PTPRT: variants seen among roughly 807,000 people sequenced by gnomAD.
PTPRT encodes the protein protein tyrosine phosphatase receptor type T.
In PTPRT, 56 loss-of-function variants were observed where a neutral mutation model predicts 176.8. The observed-to-expected ratio is 0.32, with a 90% CI of 0.26 to 0.40. The LOEUF (loss-of-function observed/expected upper bound fraction) is 0.40, where lower values mean the gene tolerates loss of function less well. Ranked by LOEUF, PTPRT falls within the 10% of genes least tolerant of loss-of-function variation. The pLI is 1.00. For synonymous variants in PTPRT, 783 were observed against 739.0 expected (o/e 1.06, Z -0.96); for missense variants, 1,540 against 1,908.2 (o/e 0.81, Z 3.60).
intron 7 of PTPRT, among the ~76,000 whole-genome samples, chr20:42,545,186 G>T (rs763101551): frequency 1.3e-5 from 2 of 152,176 alleles, no homozygotes; most frequent in Non-Finnish European, 1.5e-5. Context: ...ATCCACCTGT[G>T]CTGGCAAAGT....
chr20:42,485,199 G>GA (rs1305252141), intron 7 of PTPRT, among the ~76,000 whole-genome samples: 1 of 152,132 alleles, frequency 6.6e-6, no homozygotes, highest in African/African-American at 2.4e-5. Context: ...CCAGAGAAAG[G>GA]AAAAAAGATT....
At chr20:43,048,498 C>T (rs920665434) in intron 1 of PTPRT, among the ~76,000 whole-genome samples, 3 of 151,866 alleles carry the variant, frequency 2.0e-5, no homozygotes, top group African/African-American at 7.3e-5. Flanking sequence ...GTTCAGGGGG[C>T]CCACCTAGAA....
chr20:42,369,909 A>T (rs1292743089), intron 9 of PTPRT, among the ~76,000 whole-genome samples: 1 of 152,242 alleles, frequency 6.6e-6, no homozygotes, highest in Non-Finnish European at 1.5e-5. Flanking sequence ...TGATGAGAAC[A>T]TCTCACCTAA....
intron 7 of PTPRT, among the ~76,000 whole-genome samples, chr20:42,616,456 T>C (rs1448696298): frequency 7.9e-6 from 1 of 126,140 alleles, no homozygotes; most frequent in Non-Finnish European, 1.7e-5. Context: ...TTAAAGTAGT[T>C]TTTTCCAATT....
chr20:43,083,335 T>TACAC lies in PTPRT; in HGVS notation c.88+106310_88+106311insGTGT, dbSNP rs1568773946. 3.3e-4 allele frequency among the ~76,000 whole-genome samples: 35 copies of TACAC among 106,808 alleles called. 2 individuals carry two copies. The highest frequency in any genetic ancestry group is 9.4e-4 in the South Asian group (3 of 3,200). 70.1% of individuals were successfully genotyped at this position (106,808 alleles called of 152,430 possible). On this transcript the variant is annotated intron_variant, in intron 1 of 30. Transcript: ENST00000373187. Reference sequence around the variant, plus strand: ...CACTTCAAATGTATATATATATATATATATATATATATATATATATATATA... The same window carrying TACAC: ...CACTTCAAATGTATATATATATATATACACATATATATATATATATATATATATA...
intron 12 of PTPRT, among the ~76,000 whole-genome samples, chr20:42,293,488 T>C (rs975458757): frequency 3.9e-5 from 6 of 152,210 alleles, no homozygotes; most frequent in Non-Finnish European, 8.8e-5. Flanking sequence ...GTATTTATCC[T>C]TTACTTGACT....
chr20:43,179,875 A>C (rs999088988), intron 1 of PTPRT, among the ~76,000 whole-genome samples: 1 of 152,028 alleles, frequency 6.6e-6, no homozygotes, highest in Non-Finnish European at 1.5e-5. Flanking sequence ...GTTCCCAATG[A>C]CCCCCACTTC....
At chr20:42,114,751 AC>A (rs1987185152) in intron 22 of PTPRT, among the ~76,000 whole-genome samples, 1 of 152,162 alleles carries the variant, frequency 6.6e-6, no homozygotes, top group Non-Finnish European at 1.5e-5. Context: ...CCCGGTTGAG[AC>A]CACATGCCTT....
rs567316085 is a variant in PTPRT at position 43,128,680 on chromosome 20, A to G, written c.88+60966T>C. On this transcript the variant is annotated intron_variant, in intron 1 of 30. Transcript: ENST00000373187. ...ATTACCACTGCTCCTGGCCGAATGG[A>G]CTTGGGCTTTAGGACTACAGAGGTG... 4.0e-4 allele frequency among the ~76,000 whole-genome samples: 61 copies of G among 152,300 alleles called. 1 individual carries two copies. Among genetic ancestry groups the G allele is most frequent in the Admixed American group, 3.5e-3 (53 of 15,306 alleles).
At chr20:42,690,707 C>CA (rs2075779684) in intron 6 of PTPRT, among the ~76,000 whole-genome samples, 1 of 152,182 alleles carries the variant, frequency 6.6e-6, no homozygotes, top group Non-Finnish European at 1.5e-5. Context: ...CTTTCACTTA[C>CA]AAAGGGAAGT....
At position 43,170,960 on chromosome 20, in the gene PTPRT, T is replaced by C. The variant is rs533531825; in HGVS notation, c.88+18686A>G. On this transcript the variant is annotated intron_variant, in intron 1 of 30. Transcript: ENST00000373187. ...GACAATGCTGGTCTGGAAATGAACA[T>C]AGCTGGGTGGAAACCAGGTTTGTCC... Among the ~76,000 whole-genome samples the C allele has an allele frequency of 7.9e-5, 12 of 152,342 alleles. No homozygotes were observed. In the East Asian group the frequency reaches 2.1e-3, roughly 27 times the overall value.
intron 7 of PTPRT, among the ~76,000 whole-genome samples, chr20:42,669,970 C>G (rs910825168): frequency 6.6e-6 from 1 of 152,130 alleles, no homozygotes; most frequent in African/African-American, 2.4e-5. Flanking sequence ...AATTCCCATC[C>G]CCCTTACCCC....
chr20:42,800,591 C>T (rs902067572), intron 2 of PTPRT, among the ~76,000 whole-genome samples: 12 of 152,080 alleles, frequency 7.9e-5, no homozygotes, highest in Admixed American at 3.3e-4. Context: ...TTCACACATC[C>T]GTTGGCATGA....
the PTPRT span, among the ~76,000 whole-genome samples, chr20:42,034,215 C>T: frequency 3.9e-5 from 6 of 152,298 alleles, no homozygotes; most frequent in East Asian, 9.7e-4. Flanking sequence ...AAATGATCCA[C>T]TTCCAAGCTC....
intron 1 of PTPRT, among the ~76,000 whole-genome samples, chr20:42,909,160 G>C (rs2079515083): frequency 6.6e-6 from 1 of 152,124 alleles, no homozygotes; most frequent in African/African-American, 2.4e-5. Flanking sequence ...GTCTCTAAAA[G>C]TAAGTAAATA....
At chr20:42,135,516 C>T (rs1436447423) in intron 18 of PTPRT, among the ~76,000 whole-genome samples, 1 of 152,154 alleles carries the variant, frequency 6.6e-6, no homozygotes, top group Non-Finnish European at 1.5e-5. Flanking sequence ...GATACACGTT[C>T]AGGTTTGAGT....
chr20:42,401,623 G>A (rs1029054574), intron 9 of PTPRT, among the ~76,000 whole-genome samples: 5 of 152,144 alleles, frequency 3.3e-5, no homozygotes, highest in African/African-American at 1.2e-4. Context: ...TGCAGCTGAT[G>A]AACCCAATGT....
chr20:42,876,790 G>A (rs1188983785), intron 2 of PTPRT, among the ~76,000 whole-genome samples: 1 of 152,116 alleles, frequency 6.6e-6, no homozygotes, highest in African/African-American at 2.4e-5. Context: ...AAGGAATTCA[G>A]CAACGAGAGG....
intron 7 of PTPRT, among the ~76,000 whole-genome samples, chr20:42,529,856 A>AG (rs2072349649): frequency 6.6e-6 from 1 of 151,036 alleles, no homozygotes; most frequent in Non-Finnish European, 1.5e-5. Context: ...GGAAAAAAAA[A>AG]AAAAAAAAAG....
Sources: allele counts gnomAD v4.1 joint callset (sites outside exome capture counted in the v4.1 genomes callset), GRCh38; gene constraint gnomAD v4.1.1; transcripts MANE v1.5; gene names NCBI Gene and HGNC (gene_info 2026-07-23, HGNC 2026-07-21).